Variants in NRG2 observed in about 807,000 individuals in gnomAD.
NRG2 encodes the protein neuregulin 2, also known as pro-neuregulin-2, membrane-bound isoform.
In NRG2, 27 loss-of-function variants were observed where a neutral mutation model predicts 73.9. The observed-to-expected ratio is 0.37, with a 90% CI of 0.27 to 0.50. The LOEUF (loss-of-function observed/expected upper bound fraction) is 0.50. Ranked by LOEUF, NRG2 falls within the 20% of genes least tolerant of loss-of-function variation. The probability of loss-of-function intolerance (pLI) is 0.96; values close to 1 mark genes in which losing one functional copy is unlikely to be tolerated. For missense variants in NRG2, 1,126 were observed against 1,210.1 expected, an observed-to-expected ratio of 0.93 and a Z score of 1.03; for synonymous variants, 532 against 541.0, an observed-to-expected ratio of 0.98 and a Z score of 0.23.
chr5:139,876,687 T>G (rs111253280), intron 3 of NRG2, among the ~76,000 whole-genome samples: 11 of 152,208 alleles, frequency 7.2e-5, no homozygotes, highest in African/African-American at 2.6e-4. Context: ...AGAAAACTTC[T>G]GCTTGTCCTT....
At chr5:139,961,364 C>G (rs1755048340) in intron 1 of NRG2, among the ~76,000 whole-genome samples, 1 of 146,720 alleles carries the variant, frequency 6.8e-6, no homozygotes, top group African/African-American at 2.5e-5. Flanking sequence ...CCATCCCTGC[C>G]CCCCTCCTCC....
At chr5:140,026,778 G>A (rs1760724246) in intron 1 of NRG2, among the ~76,000 whole-genome samples, 1 of 152,114 alleles carries the variant, frequency 6.6e-6, no homozygotes, top group Admixed American at 6.5e-5. Context: ...AGTCAAAGAT[G>A]ATTTTGACAT....
rs368069455 is a variant in NRG2, at chr5:139,913,692, T to C, written c.701-26181A>G. 7.2e-5 allele frequency among the ~76,000 whole-genome samples: 11 copies of C among 152,344 alleles called. 2 individuals carry two copies. Among genetic ancestry groups the C allele is most frequent in the Admixed American group, 3.3e-4 (5 of 15,304 alleles). On this transcript the variant is annotated intron_variant, in intron 1 of 9. Transcript: ENST00000361474. ...TTAATGACAGGCACAGTGCTGGCCA[T>C]TGCAGTATACAAAGACCCTGTCCTC...
At chr5:139,985,429 C>T (rs1757103191) in intron 1 of NRG2, among the ~76,000 whole-genome samples, 1 of 152,062 alleles carries the variant, frequency 6.6e-6, no homozygotes, top group Admixed American at 6.5e-5. Context: ...AGCACTGTAC[C>T]TAGCACAGCT....
intron 1 of NRG2, among the ~76,000 whole-genome samples, chr5:140,031,075 C>G (rs921482403): frequency 1.3e-5 from 2 of 152,212 alleles, no homozygotes; most frequent in Admixed American, 1.3e-4. Context: ...CATCCTATCC[C>G]AGGATTATGC....
At chr5:139,921,453 C>T (rs1751654262) in intron 1 of NRG2, among the ~76,000 whole-genome samples, 1 of 152,022 alleles carries the variant, frequency 6.6e-6, no homozygotes, top group Admixed American at 6.5e-5. Context: ...TAAATATAGT[C>T]AACTGATCTT....
At position 139,868,071 on chromosome 5, in the gene NRG2, C is replaced by A. The variant is rs1269918500; in HGVS notation, c.1113-2446G>T. 6.6e-6 allele frequency among the ~76,000 whole-genome samples: 1 copy of A among 152,058 alleles called. No individual in the cohort carries two copies. Among genetic ancestry groups the A allele is most frequent in the East Asian group, 1.9e-4 (1 of 5,192 alleles). The stretch of plus-strand genomic sequence containing the variant: ...CAACATTATGGTCCTAACCTTCCTT[C>A]CTTGAGAAAATGTGCTCCCCGCTGG... On this transcript the variant is annotated intron_variant, in intron 4 of 9. Transcript: ENST00000361474. This position sits in a 1 kb window ranked among gnomAD's most constrained non-coding sequence, Gnocchi z 4.2.
chr5:139,848,488 C>T lies in NRG2; in HGVS notation c.1982G>A (p.Gly661Glu). The T allele has an allele frequency of 7.9e-6, 9 of 1,144,258 alleles. No individual in the cohort carries two copies. The highest frequency in any genetic ancestry group is 9.8e-6 in the Non-Finnish European group (9 of 922,194). The allele number at this position is 1,144,258 out of a possible 1,614,324, so 70.9% of individuals were successfully genotyped here. A position where few individuals can be genotyped will look rare whatever the true frequency, so the allele number is the denominator to read the frequency against. Residue 661 changes from glycine (G) to glutamate (E), a missense_variant, in exon 10 of 10, where the codon GGG (glycine) becomes GAG (glutamate). Physicochemically the swap from Gly to Glu is moderately conservative, Grantham distance 98 (BLOSUM62 -2). Coordinates refer to ENST00000361474, the MANE Select transcript of NRG2 (RefSeq NM_004883.3). ...GTCTGCGCCGGGCCCGGGCCCGGGC[C>T]CGGGTCCGGGTCCCGGGCCGGGGGG... is the stretch of plus-strand genomic sequence containing the variant. ...PAPPGPGPGPGPGPGPGADMQ... is the reference protein window; with the variant it reads ...PAPPGPGPGPEPGPGPGADMQ...
At chr5:139,883,367 C>A (rs557226340) in intron 2 of NRG2, among the ~76,000 whole-genome samples, 48 of 150,854 alleles carry the variant, frequency 3.2e-4, no homozygotes, top group Non-Finnish European at 5.5e-4. Context: ...TTCCAGCCTG[C>A]CCCTCATAAA....
At chr5:139,882,842 G>C (rs111347662) in intron 2 of NRG2, among the ~76,000 whole-genome samples, 71 of 152,266 alleles carry the variant, frequency 4.7e-4, no homozygotes, top group African/African-American at 1.7e-3. Context: ...TTCCCCACAT[G>C]CAGGCATGTG....
At chr5:139,999,836 C>T (rs1450413064) in intron 1 of NRG2, among the ~76,000 whole-genome samples, 1 of 152,166 alleles carries the variant, frequency 6.6e-6, no homozygotes, top group South Asian at 2.1e-4. Flanking sequence ...AGGGTGGGTG[C>T]CCCAATCTAT....
chr5:139,917,874 T>G (rs1302338994), intron 1 of NRG2, among the ~76,000 whole-genome samples: 1 of 152,252 alleles, frequency 6.6e-6, no homozygotes, highest in Non-Finnish European at 1.5e-5. Flanking sequence ...TCCTTTGAAA[T>G]GCAACATTTT....
intron 1 of NRG2, among the ~76,000 whole-genome samples, chr5:139,910,094 T>C (rs1765481595): frequency 6.6e-6 from 1 of 152,166 alleles, no homozygotes; most frequent in Non-Finnish European, 1.5e-5. Flanking sequence ...TTGGGCCCAG[T>C]TTTGCTCCTG....
At chr5:139,896,604 C>T (rs935022824) in intron 1 of NRG2, among the ~76,000 whole-genome samples, 2 of 152,160 alleles carry the variant, frequency 1.3e-5, no homozygotes, top group Non-Finnish European at 2.9e-5. Context: ...ATGCGGAAAA[C>T]CAGTTTCTCC....
intron 1 of NRG2, among the ~76,000 whole-genome samples, chr5:139,963,554 T>C (rs1297346484): frequency 6.6e-6 from 1 of 152,194 alleles, no homozygotes; most frequent in African/African-American, 2.4e-5. Flanking sequence ...CCTATACATA[T>C]AGGTACCATT....
intron 1 of NRG2, among the ~76,000 whole-genome samples, chr5:139,923,639 A>G (rs1194416678): frequency 1.3e-5 from 2 of 152,176 alleles, no homozygotes; most frequent in African/African-American, 2.4e-5. Flanking sequence ...TCAAGGGCCA[A>G]AGAACTTGGG....
chr5:139,859,979 CA>C (rs1399740982), intron 5 of NRG2: 8 of 1,500,184 alleles, frequency 5.3e-6, no homozygotes, highest in Middle Eastern at 1.9e-4. Context: ...TGGGTGGGGA[CA>C]GGGGGAGAGA....
intron 1 of NRG2, among the ~76,000 whole-genome samples, chr5:140,002,453 T>C (rs1758562541): frequency 6.6e-6 from 1 of 151,974 alleles, no homozygotes. Context: ...GTGAAAGAAG[T>C]AAGGAAATGA....
intron 1 of NRG2, among the ~76,000 whole-genome samples, chr5:139,994,140 A>G (rs1561737590): frequency 6.6e-6 from 1 of 152,252 alleles, no homozygotes; most frequent in Non-Finnish European, 1.5e-5. Flanking sequence ...CAAACAACAC[A>G]TAGTAAGTAT....
Sources: gnomAD v4.1 joint callset for allele counts (sites outside exome capture counted in the v4.1 genomes callset) on GRCh38, gnomAD v4.1.1 for gene constraint, Gnocchi (gnomAD v3.1) non-coding constraint, MANE v1.5 for transcripts, NCBI Gene and HGNC (gene_info 2026-07-23, HGNC 2026-07-21) for gene names.